Variants in FAAH2 observed in about 807,000 individuals in gnomAD.
FAAH2 encodes fatty acid amide hydrolase 2.
FAAH2 carries 60 observed loss-of-function variants against 36.9 expected under a neutral mutation model. The ratio of observed to expected loss-of-function variants is 1.63; its 90% CI spans 1.32 to 2.02. The LOEUF (loss-of-function observed/expected upper bound fraction) is 2.02, where lower values mean the gene tolerates loss of function less well. FAAH2 is among the 30% of genes most tolerant of loss of function. The probability of loss-of-function intolerance (pLI) is 0.00; values close to 1 mark genes in which losing one functional copy is unlikely to be tolerated. For synonymous variants in FAAH2, 214 were observed against 143.8 expected (o/e 1.49, Z -3.49); for missense variants, 689 against 397.5 (o/e 1.73, Z -6.23).
chrX:57,178,338 CTG>C, the FAAH2 span, among the ~76,000 whole-genome samples: 1 of 111,904 alleles, frequency 8.9e-6, no homozygotes, highest in African/African-American at 3.3e-5. Context: ...TTCCTAAACA[CTG>C]TGTTATTGTG....
intron 7 of FAAH2, among the ~76,000 whole-genome samples, chrX:57,382,442 G>C (rs1044679793): frequency 4.5e-5 from 5 of 111,577 alleles, no homozygotes; most frequent in Admixed American, 3.8e-4. Context: ...GACTAATAAA[G>C]AAGGAAAGAG....
chrX:57,423,964 C>T (rs904493548), intron 7 of FAAH2, among the ~76,000 whole-genome samples: 1 of 111,429 alleles, frequency 9.0e-6, no homozygotes, highest in East Asian at 2.8e-4. Flanking sequence ...CTGCATAGTC[C>T]ATTACAACAT....
chrX:57,279,022 A>T, the FAAH2 span, among the ~76,000 whole-genome samples: 1 of 112,317 alleles, frequency 8.9e-6, no homozygotes, highest in Non-Finnish European at 1.9e-5. Context: ...GAATTAGTTC[A>T]ACCATTGTGG....
At chrX:57,327,796 T>C (rs1015372835) in intron 3 of FAAH2, among the ~76,000 whole-genome samples, 2 of 111,727 alleles carry the variant, frequency 1.8e-5, no homozygotes, top group African/African-American at 6.5e-5. Flanking sequence ...CTTCCTCCTT[T>C]AGCTTGCCGT....
intron 7 of FAAH2, among the ~76,000 whole-genome samples, chrX:57,429,737 T>A (rs1238051416): frequency 1.8e-5 from 2 of 112,234 alleles, no homozygotes; most frequent in Non-Finnish European, 3.8e-5. Flanking sequence ...CATGTGTTTA[T>A]ACCAGCATTA....
At chrX:57,192,224 T>C in the FAAH2 span, among the ~76,000 whole-genome samples, 1 of 111,806 alleles carries the variant, frequency 8.9e-6, no homozygotes, top group African/African-American at 3.2e-5. Context: ...GTGGCTATTG[T>C]AAATGTGATT....
At chrX:57,227,938 C>T in the FAAH2 span, among the ~76,000 whole-genome samples, 2 of 111,408 alleles carry the variant, frequency 1.8e-5, no homozygotes, top group East Asian at 5.7e-4. Context: ...AAGCTGGTAG[C>T]CACAGACCTT....
chrX:57,267,536 C>T, the FAAH2 span, among the ~76,000 whole-genome samples: 5 of 112,492 alleles, frequency 4.4e-5, no homozygotes, highest in Admixed American at 4.7e-4. Flanking sequence ...ACCATAACCC[C>T]AACCCTTGGC....
At position 57,378,535 on chromosome X, in the gene FAAH2, G is replaced by A. The variant is rs2054746797; in HGVS notation, c.743-116G>A. On this transcript the variant is annotated intron_variant, in intron 5 of 10. Transcript: ENST00000374900. ...ACTGCAATGAGATATAAGAAGACCT[G>A]AAAAGTTTTAACCAGGAGAAAAAGT... The A allele has an allele frequency of 4.2e-6, 4 of 956,084 alleles. No individual in the cohort carries two copies. The East Asian group carries it at 9.5e-5, about 23-fold the overall frequency. 78.8% of individuals were successfully genotyped at this position (956,084 alleles called of 1,213,427 possible).
intron 10 of FAAH2, among the ~76,000 whole-genome samples, chrX:57,468,723 A>G (rs775606717): frequency 1.9e-4 from 21 of 111,460 alleles, no homozygotes; most frequent in African/African-American, 6.5e-4. Flanking sequence ...GTAGGCCAAC[A>G]TTCAGATCCA....
At position 57,325,378 on chromosome X, in the gene FAAH2, A is replaced by C. The variant is rs192393159; in HGVS notation, c.413-6220A>C. 1.8e-4 allele frequency among the ~76,000 whole-genome samples: 20 copies of C among 111,048 alleles called. 1 individual carries two copies. The highest frequency in any genetic ancestry group is 5.6e-4 in the African/African-American group (17 of 30,561). On this transcript the variant is annotated intron_variant, in intron 3 of 10. Transcript: ENST00000374900. Reference sequence around the variant, plus strand: ...TAAAATGAGTTAGGGAGGATTCCCTATTTTTCTATTGATTGGAATAGTTTC... The same window carrying C: ...TAAAATGAGTTAGGGAGGATTCCCTCTTTTTCTATTGATTGGAATAGTTTC...
chrX:57,463,486 G>A (rs1302368950), intron 10 of FAAH2, among the ~76,000 whole-genome samples: 1 of 110,796 alleles, frequency 9.0e-6, no homozygotes. Flanking sequence ...ACAGAACAGA[G>A]GCCTTAGAAG....
intron 10 of FAAH2, among the ~76,000 whole-genome samples, chrX:57,464,995 A>G (rs1472481573): frequency 8.9e-6 from 1 of 112,137 alleles, no homozygotes; most frequent in Non-Finnish European, 1.9e-5. Flanking sequence ...CTAAGAATCA[A>G]AAGATGGAAT....
chrX:57,159,121 G>C, the FAAH2 span, among the ~76,000 whole-genome samples: 91 of 111,892 alleles, frequency 8.1e-4, no homozygotes, highest in Admixed American at 1.3e-3. Context: ...TCTTGTTTTT[G>C]TCAGGTTTGT....
At chrX:57,398,175 G>A (rs187702351) in intron 7 of FAAH2, among the ~76,000 whole-genome samples, 11 of 111,898 alleles carry the variant, frequency 9.8e-5, no homozygotes, top group South Asian at 7.5e-4. Context: ...ATTATAAATC[G>A]TGCTGCTATA....
At position 57,455,604 on chromosome X, in the gene FAAH2, A is replaced by G. The variant is rs956494417; in HGVS notation, c.1423+6886A>G. Among the ~76,000 whole-genome samples the G allele has an allele frequency of 8.9e-5, 10 of 112,214 alleles. No homozygotes were observed. In the Admixed American group the frequency reaches 9.5e-4, roughly 11 times the overall value. On this transcript the variant is annotated intron_variant, in intron 10 of 10. Transcript: ENST00000374900. ...GTTCAAAGTAAAAGGATGGAGAAAG[A>G]TCTATCAAGCAAATAGAAAACAACA...
intron 4 of FAAH2, 47 bp downstream of exon 4, chrX:57,331,854 A>C: frequency 9.1e-7 from 1 of 1,093,344 alleles, no homozygotes; most frequent in Non-Finnish European, 1.3e-6. Flanking sequence ...GCTAACAATA[A>C]TAATTATGAA....
At chrX:57,193,352 C>T in the FAAH2 span, among the ~76,000 whole-genome samples, 1 of 111,860 alleles carries the variant, frequency 8.9e-6, no homozygotes, top group Non-Finnish European at 1.9e-5. Flanking sequence ...AACCCTGTCT[C>T]CTGATAAGAT....
At chrX:57,124,616 T>G in the FAAH2 span, among the ~76,000 whole-genome samples, 3 of 112,052 alleles carry the variant, frequency 2.7e-5, no homozygotes, top group Non-Finnish European at 5.6e-5. Context: ...TTTCACGATA[T>G]TGATTCTTCC....
Sources: gnomAD v4.1 joint callset for allele counts (sites outside exome capture counted in the v4.1 genomes callset) on GRCh38, gnomAD v4.1.1 for gene constraint, MANE v1.5 for transcripts, NCBI Gene and HGNC (gene_info 2026-07-23, HGNC 2026-07-21) for gene names.